CD163L1: variants seen among roughly 807,000 people sequenced by gnomAD.
The protein encoded by CD163L1 is scavenger receptor cysteine-rich type 1 protein M160.
Under a neutral mutation model 165.4 loss-of-function variants are expected in CD163L1, and 124 were observed. That is an observed-to-expected ratio of 0.75 (90% CI 0.65 to 0.87). CD163L1 has a LOEUF of 0.87. CD163L1 is among the 40% of genes least tolerant of loss of function. CD163L1 has a pLI of 0.00. For synonymous variants in CD163L1, 585 were observed against 662.2 expected, an observed-to-expected ratio of 0.88 and a Z score of 1.79; for missense variants, 1,525 against 1,799.9, an observed-to-expected ratio of 0.85 and a Z score of 2.76.
Position 7,398,477 on chromosome 12 carries a change from T to C in CD163L1, c.1516A>G (p.Ser506Gly). The C allele has an allele frequency of 6.2e-7, 1 of 1,614,012 alleles. No homozygotes were observed. Among genetic ancestry groups the C allele is most frequent in the South Asian group, 1.1e-5 (1 of 91,076 alleles). The change falls in exon 7 of 20, where the codon AGC (serine) becomes GGC (glycine). Residue 506 changes from serine (S) to glycine (G), a missense_variant. Ser to Gly is a moderately conservative substitution (Grantham distance 56). Coordinates refer to ENST00000313599, the MANE Select transcript of CD163L1 (RefSeq NM_174941.6). The surrounding 1 kb of genome is among the most constrained non-coding windows in gnomAD (Gnocchi z 4.5). ...CAAACAACAGCTGCATTCCTTGTGC[T>C]CCATCTGTCATGACACACAGTCCCC... ...EWGTVCHDRW[S>G]TRNAAVVCKQ... is the part of the protein sequence containing the mutation.
rs1019707515 is a variant in CD163L1, at chr12:7,432,393, T to C, written c.766+23A>G. 6.5e-7 allele frequency: 1 copy of C among 1,547,690 alleles called. No homozygotes were observed. Among genetic ancestry groups the C allele is most frequent in the Admixed American group, 1.7e-5 (1 of 57,238 alleles). On this transcript the variant is annotated intron_variant, in intron 4 of 19. Transcript: ENST00000313599. This position sits in a 1 kb window ranked among gnomAD's most constrained non-coding sequence, Gnocchi z 4.2. ...TTCTAAACAAATTGTTCCTTTCTTC[T>C]ACATGATGTCTTGGGTTCTTACCAT... is the stretch of plus-strand genomic sequence containing the variant.
the CD163L1 span, chr12:7,322,609 C>T: frequency 6.6e-7 from 1 of 1,525,430 alleles, no homozygotes; most frequent in East Asian, 2.3e-5. Flanking sequence ...TTCAACTGAG[C>T]CCCTGAAGTG....
the CD163L1 span, chr12:7,323,123 C>T: frequency 6.2e-4 from 579 of 940,444 alleles, 2 homozygotes; most frequent in African/African-American, 8.4e-3. Flanking sequence ...TCAGAAGGTG[C>T]GCCTGCATAC....
At position 7,374,492 on chromosome 12, in the gene CD163L1, C is replaced by G; in HGVS notation, c.3359G>C (p.Trp1120Ser). Residue 1120 changes from tryptophan to serine, a missense_variant, in exon 13 of 20, where the codon TGG becomes TCG. Transcript: ENST00000313599. This position sits in a 1 kb window ranked among gnomAD's most constrained non-coding sequence, Gnocchi z 5.4. ...SHLWQCPSRG[W>S]GQHDCRHKED... ...CTTGTGCCTGCAGTCGTGCTGCCCC[C>G]AGCCGCGGGAAGGGCACTGCCACAA... is the stretch of plus-strand genomic sequence containing the variant. 6.2e-7 allele frequency: 1 copy of G among 1,614,176 alleles called. No individual in the cohort carries two copies. The highest frequency in any genetic ancestry group is 8.5e-7 in the Non-Finnish European group (1 of 1,180,018).
Position 7,375,699 on chromosome 12 carries a change from C to G in CD163L1, c.2686+1G>C. On this transcript the variant is annotated splice_donor_variant, in intron 10 of 19. Coordinates refer to ENST00000313599, the MANE Select transcript of CD163L1 (RefSeq NM_174941.6). LOFTEE classifies it high-confidence loss of function. Reference sequence around the variant, plus strand: ...CAATTAAGATTATTTAAAAATCTCACGGGAACAGACAACTCCAACTTCTCT... The same window carrying G: ...CAATTAAGATTATTTAAAAATCTCAGGGGAACAGACAACTCCAACTTCTCT... 2 of 1,613,646 alleles carry G rather than the reference C, an allele frequency of 1.2e-6. No homozygotes were observed. The highest frequency in any genetic ancestry group is 1.7e-6 in the Non-Finnish European group (2 of 1,179,686).
downstream of CD163L1, among the ~76,000 whole-genome samples, chr12:7,342,351 T>G (rs758464591): frequency 6.6e-6 from 1 of 152,364 alleles, no homozygotes; most frequent in African/African-American, 2.4e-5. Flanking sequence ...TGCAGATAAC[T>G]AGCCAAACCC....
chr12:7,385,361 A>G (rs1565787044), intron 8 of CD163L1, among the ~76,000 whole-genome samples: 1 of 152,042 alleles, frequency 6.6e-6, no homozygotes, highest in Non-Finnish European at 1.5e-5. Context: ...AGACATATAA[A>G]GCAAATATTA....
At chr12:7,424,954 T>C (rs1336850276) in intron 4 of CD163L1, among the ~76,000 whole-genome samples, 1 of 152,130 alleles carries the variant, frequency 6.6e-6, no homozygotes, top group East Asian at 1.9e-4. Context: ...CAAGCTACCA[T>C]TGACTTTCTT....
chr12:7,408,485 A>T (rs913591179), intron 4 of CD163L1, among the ~76,000 whole-genome samples: 1 of 152,140 alleles, frequency 6.6e-6, no homozygotes, highest in Non-Finnish European at 1.5e-5. Context: ...ATCGATACAT[A>T]TCAGTTGTAT....
intron 2 of CD163L1, among the ~76,000 whole-genome samples, chr12:7,440,799 G>A (rs943651051): frequency 2.6e-5 from 4 of 151,684 alleles, no homozygotes; most frequent in African/African-American, 9.7e-5. Flanking sequence ...GCTAATTTTT[G>A]TATTTTTAAT....
chr12:7,390,934 C>T (rs1489147429), intron 8 of CD163L1, among the ~76,000 whole-genome samples: 1 of 152,096 alleles, frequency 6.6e-6, no homozygotes, highest in Non-Finnish European at 1.5e-5. Context: ...ATCTACAAGG[C>T]AGTTCTTGAC....
chr12:7,421,121 G>GTA lies in CD163L1; in HGVS notation c.766+11293_766+11294dup, dbSNP rs1565809134. Among the ~76,000 whole-genome samples, 4 of 21,054 alleles carry GTA rather than the reference G, an allele frequency of 1.9e-4. No homozygotes were observed. In the East Asian group the frequency reaches 4.1e-3, roughly 21 times the overall value. 13.8% of individuals were successfully genotyped at this position (21,054 alleles called of 152,430 possible). A position where few individuals can be genotyped will look rare whatever the true frequency, so the allele number is the denominator to read the frequency against. ...TGTATATATACATTTGGAAGAAAAT[G>GTA]TATATATACGTATATATGTATATAT... On this transcript the variant is annotated intron_variant, in intron 4 of 19. Coordinates refer to ENST00000313599, the MANE Select transcript of CD163L1 (RefSeq NM_174941.6).
At chr12:7,439,097 G>T in intron 2 of CD163L1, 1 of 1,574,410 alleles carries the variant, frequency 6.4e-7, no homozygotes. Context: ...GTCCTGCCCT[G>T]CTCTCTCTCT....
chr12:7,421,010 C>T (rs1206463330), intron 4 of CD163L1, among the ~76,000 whole-genome samples: 11 of 90,732 alleles, frequency 1.2e-4, no homozygotes, highest in East Asian at 3.6e-4. Flanking sequence ...TATATATATA[C>T]GTGTATATAT....
At chr12:7,420,611 C>T (rs1175144230) in intron 4 of CD163L1, among the ~76,000 whole-genome samples, 3 of 151,984 alleles carry the variant, frequency 2.0e-5, no homozygotes, top group African/African-American at 7.2e-5. Flanking sequence ...AAAAAACTCT[C>T]AACATCACTC....
chr12:7,337,257 G>A, the CD163L1 span, among the ~76,000 whole-genome samples: 26 of 152,164 alleles, frequency 1.7e-4, no homozygotes, highest in African/African-American at 5.8e-4. Context: ...ACATAAGCAC[G>A]GGCAAAGACT....
downstream of CD163L1, among the ~76,000 whole-genome samples, chr12:7,350,507 C>T (rs937429929): frequency 7.2e-5 from 11 of 152,156 alleles, no homozygotes; most frequent in African/African-American, 2.7e-4. Flanking sequence ...TTTACCACAT[C>T]TTCGTGTCTC....
At chr12:7,332,030 C>G in the CD163L1 span, among the ~76,000 whole-genome samples, 1 of 151,944 alleles carries the variant, frequency 6.6e-6, no homozygotes, top group East Asian at 1.9e-4. Context: ...AGTTAAAAAC[C>G]TTGAAAAAAA....
intron 18 of CD163L1, among the ~76,000 whole-genome samples, chr12:7,359,874 T>C (rs1946856113): frequency 6.6e-6 from 1 of 152,138 alleles, no homozygotes; most frequent in African/African-American, 2.4e-5. Context: ...TAGAAATCTG[T>C]ATTCATTTTA....
Sources: allele counts gnomAD v4.1 joint callset (sites outside exome capture counted in the v4.1 genomes callset), GRCh38; gene constraint gnomAD v4.1.1; non-coding constraint Gnocchi (gnomAD v3.1); transcripts MANE v1.5; gene names NCBI Gene and HGNC (gene_info 2026-07-23, HGNC 2026-07-21).